The following ADPRHL1 variants were observed in gnomAD, a reference collection of about 807,000 sequenced individuals.
The protein encoded by ADPRHL1 is ADP-ribosylhydrolase like 1.
In ADPRHL1, 43 loss-of-function variants were observed where a neutral mutation model predicts 44.1. The observed-to-expected ratio is 0.98, with a 90% CI of 0.76 to 1.26. The LOEUF is 1.26. Among genes scored for constraint, ADPRHL1 ranks in the 50% most tolerant of loss-of-function variants. The pLI is 0.00. For synonymous variants in ADPRHL1, 878 were observed against 1,017.4 expected (o/e 0.86, Z 2.61); for missense variants, 2,022 against 2,496.9 (o/e 0.81, Z 4.05).
intron 4 of ADPRHL1, among the ~76,000 whole-genome samples, chr13:113,426,831 G>A (rs752361343): frequency 6.6e-6 from 1 of 152,212 alleles, no homozygotes; most frequent in Non-Finnish European, 1.5e-5. Context: ...TGGCCAATTC[G>A]GAAACAGACG....
chr13:113,422,616 A>G (rs1267713983), intron 7 of ADPRHL1: 13 of 674,488 alleles, frequency 1.9e-5, no homozygotes, highest in Non-Finnish European at 2.9e-5. Flanking sequence ...TTGATGGTGG[A>G]GGACGGAAAA....
chr13:113,422,963 C>T lies in ADPRHL1; in HGVS notation c.924G>A (p.Thr308=), dbSNP rs547546979. Reference sequence around the variant, plus strand: ...CGAACAGGCAGCCTGCAATGGTGCCCGTGGCCGCGCTCTCCCCTGAAACGC... The same window carrying T: ...CGAACAGGCAGCCTGCAATGGTGCCTGTGGCCGCGCTCTCCCCTGAAACGC... ...AMFHGGESAA[T]GTIAGCLFGL... Residue 308 remains threonine (T), a synonymous_variant, in exon 7 of 8, where the codon ACG becomes ACA. Coordinates refer to ENST00000612156, the MANE Select transcript of ADPRHL1 (RefSeq NM_001394807.1). 1.1e-5 allele frequency: 18 copies of T among 1,612,846 alleles called. No individual in the cohort carries two copies. Among genetic ancestry groups the T allele is most frequent in the Middle Eastern group, 1.6e-4 (1 of 6,062 alleles).
At chr13:113,445,893 C>T (rs146003536) in intron 1 of ADPRHL1, among the ~76,000 whole-genome samples, 389 of 147,202 alleles carry the variant, frequency 2.6e-3, no homozygotes, top group Middle Eastern at 0.011. Context: ...AGAGAGCACG[C>T]GCGTGTAGGG....
At chr13:113,408,321 C>T in intron 7 of ADPRHL1, 101 bp from the exon 8 acceptor site, 1 of 1,179,026 alleles carries the variant, frequency 8.5e-7, no homozygotes, top group Middle Eastern at 3.2e-4. Flanking sequence ...TTCAGGGGCC[C>T]CAAAAGTCTG....
chr13:113,431,585 G>A (rs2044007894), intron 3 of ADPRHL1, among the ~76,000 whole-genome samples: 1 of 152,246 alleles, frequency 6.6e-6, no homozygotes, highest in African/African-American at 2.4e-5. Flanking sequence ...CTTACTGCCA[G>A]AGGTGGTTTG....
At chr13:113,438,433 C>A (rs1041469095) in intron 2 of ADPRHL1, among the ~76,000 whole-genome samples, 1 of 152,080 alleles carries the variant, frequency 6.6e-6, no homozygotes, top group Admixed American at 6.6e-5. Flanking sequence ...GTGGCTTATG[C>A]CTGTAATCCC....
chr13:113,427,954 C>T (rs2043978915), intron 4 of ADPRHL1, among the ~76,000 whole-genome samples: 1 of 152,204 alleles, frequency 6.6e-6, no homozygotes, highest in South Asian at 2.1e-4. Context: ...TAAAGCGATT[C>T]ACTGGTTTTT....
At chr13:113,434,678 C>T (rs1179936970) in intron 2 of ADPRHL1, among the ~76,000 whole-genome samples, 1 of 143,652 alleles carries the variant, frequency 7.0e-6, no homozygotes, top group African/African-American at 2.6e-5. Context: ...CCCCGGGACC[C>T]GGCACCCAGG....
intron 6 of ADPRHL1, 107 bp from the exon 7 acceptor site, chr13:113,423,086 G>T: frequency 6.7e-7 from 1 of 1,496,298 alleles, no homozygotes. Flanking sequence ...ATTCTGCTGG[G>T]GGCAGCTGAT....
rs557754090 is a variant in ADPRHL1, at chr13:113,403,094, C to T, written c.*284G>A. ...CAGGCTGTGTGAGAGAGGGGTGAGC[C>T]GGCGCCCCCGAGTGAAGACACAAAG... On this transcript the variant is annotated 3_prime_UTR_variant, in exon 8 of 8. Transcript: ENST00000612156. 178 of 246,986 alleles carry T rather than the reference C, an allele frequency of 7.2e-4. No individual in the cohort carries two copies. Among genetic ancestry groups the T allele is most frequent in the African/African-American group, 3.9e-3 (143 of 36,890 alleles). 15.3% of individuals were successfully genotyped at this position (246,986 alleles called of 1,614,324 possible).
chr13:113,433,701 A>C (rs1273403720), intron 3 of ADPRHL1, 41 bp downstream of exon 3: 3 of 1,515,356 alleles, frequency 2.0e-6, no homozygotes, highest in South Asian at 1.2e-5. Context: ...ATCCGGCCGC[A>C]CTCCACGCTG....
chr13:113,433,954 T>C (rs1196876769), intron 2 of ADPRHL1, 87 bp from the exon 3 acceptor site: 1 of 1,434,770 alleles, frequency 7.0e-7, no homozygotes, highest in Non-Finnish European at 9.2e-7. Context: ...ATTTTAAAAG[T>C]AGAAAAATTT....
Position 113,405,710 on chromosome 13 carries a change from C to A in ADPRHL1, c.3572G>T (p.Ser1191Ile). 8.1e-7 allele frequency: 1 copy of A among 1,231,924 alleles called. No individual in the cohort carries two copies. The highest frequency in any genetic ancestry group is 1.0e-6 in the Non-Finnish European group (1 of 988,104). The allele number at this position is 1,231,924 out of a possible 1,614,324, so 76.3% of individuals were successfully genotyped here. Reference sequence around the variant, plus strand: ...GACGAGGGCCACGCCTCTCAGGAGGCTCCTCCCTGCTGCTCCACTCTTGGG... The same window carrying A: ...GACGAGGGCCACGCCTCTCAGGAGGATCCTCCCTGCTGCTCCACTCTTGGG... Reference protein sequence around the residue: ...LEPKSGAAGRSLLRGVALVQH... With the variant: ...LEPKSGAAGRILLRGVALVQH... Residue 1191 changes from serine to isoleucine, a missense_variant, in exon 8 of 8, where the codon AGC becomes ATC. Physicochemically the swap from Ser to Ile is moderately radical, Grantham distance 142 (BLOSUM62 -2). Transcript: ENST00000612156.
intron 1 of ADPRHL1, among the ~76,000 whole-genome samples, chr13:113,444,839 G>A (rs986239293): frequency 1.3e-5 from 2 of 152,116 alleles, no homozygotes; most frequent in Non-Finnish European, 2.9e-5. Flanking sequence ...CGGCCAGGAT[G>A]GTCTCGATCT....
Position 113,407,956 on chromosome 13 carries a change from C to A in ADPRHL1, c.1326G>T (p.Glu442Asp). The part of the protein sequence containing the change: ...LQAKFLGTGR[E>D]RYLKRTREVG... Reference sequence around the variant, plus strand: ...CCTCCCTGGTCCTCTTGAGGTAGCGCTCCCGGCCAGTGCCCAGGAACTTGG... The same window carrying A: ...CCTCCCTGGTCCTCTTGAGGTAGCGATCCCGGCCAGTGCCCAGGAACTTGG... The change falls in exon 8 of 8, where the codon GAG (glutamate) becomes GAT (aspartate). Residue 442 changes from glutamate (E) to aspartate (D), a missense_variant. Physicochemically the swap from Glu to Asp is conservative, Grantham distance 45. Transcript: ENST00000612156. The A allele has an allele frequency of 8.1e-7, 1 of 1,232,056 alleles. No individual in the cohort carries two copies. Among genetic ancestry groups the A allele is most frequent in the Non-Finnish European group, 1.0e-6 (1 of 987,990 alleles). The allele number at this position is 1,232,056 out of a possible 1,614,324, so 76.3% of individuals were successfully genotyped here. A position where few individuals can be genotyped will look rare whatever the true frequency, so the allele number is the denominator to read the frequency against.
At position 113,404,303 on chromosome 13, in the gene ADPRHL1, G is replaced by A. The variant is rs2043789665; in HGVS notation, c.4979C>T (p.Thr1660Ile). 1.5e-6 allele frequency: 2 copies of A among 1,329,412 alleles called. No individual in the cohort carries two copies. Among genetic ancestry groups the A allele is most frequent in the Non-Finnish European group, 9.5e-7 (1 of 1,049,010 alleles). 82.4% of individuals were successfully genotyped at this position (1,329,412 alleles called of 1,614,324 possible). A position where few individuals can be genotyped will look rare whatever the true frequency, so the allele number is the denominator to read the frequency against. ...GGCCTGACCCTGAGCCTCTATCTGG[G>A]TCTGCTCCTGAGCCTGTTCCTGGGC... Reference protein sequence around the residue: ...ERAQEQAQEQTQIEAQGQAQK... With the variant: ...ERAQEQAQEQIQIEAQGQAQK... The change falls in exon 8 of 8, where the codon ACC becomes ATC. Residue 1660 changes from threonine (T) to isoleucine (I), a missense_variant. Thr to Ile is a moderately conservative substitution (Grantham distance 89). Transcript: ENST00000612156.
chr13:113,423,818 C>T (rs921086592), intron 6 of ADPRHL1, among the ~76,000 whole-genome samples: 1 of 152,220 alleles, frequency 6.6e-6, no homozygotes, highest in African/African-American at 2.4e-5. Flanking sequence ...GACAAGATGA[C>T]GGTGACCTTG....
Position 113,439,413 on chromosome 13 carries a change from G to A in ADPRHL1, c.379+5012C>T, listed in dbSNP as rs190198330. Among the ~76,000 whole-genome samples the A allele has an allele frequency of 4.0e-3, 580 of 145,158 alleles. 3 individuals are homozygous for A. The highest frequency in any genetic ancestry group is 6.5e-3 in the Non-Finnish European group (434 of 66,442). ...ACTGGGATCACGGGTGTGAGCCACCGTGCCCAGCCTGGGCCTACAGTTTTC... is the reference window on the plus strand; with the variant it reads ...ACTGGGATCACGGGTGTGAGCCACCATGCCCAGCCTGGGCCTACAGTTTTC... On this transcript the variant is annotated intron_variant, in intron 2 of 7. Coordinates refer to ENST00000612156, the MANE Select transcript of ADPRHL1 (RefSeq NM_001394807.1).
intron 4 of ADPRHL1, among the ~76,000 whole-genome samples, chr13:113,427,777 A>T (rs2043977613): frequency 6.6e-6 from 1 of 152,188 alleles, no homozygotes; most frequent in South Asian, 2.1e-4. Context: ...GGAGGTACTG[A>T]CTGTGTGCGG....
Sources: allele counts gnomAD v4.1 joint callset (sites outside exome capture counted in the v4.1 genomes callset), GRCh38; gene constraint gnomAD v4.1.1; transcripts MANE v1.5; gene names NCBI Gene and HGNC (gene_info 2026-07-23, HGNC 2026-07-21).